SYCE3: variants seen among roughly 807,000 people sequenced by gnomAD.
SYCE3 encodes the protein synaptonemal complex central element protein 3, also known as testis highly expressed gene 2 protein.
A neutral mutation model predicts 8.1 loss-of-function variants in SYCE3; 3 were observed. The observed-to-expected ratio is 0.37, with a 90% CI of 0.17 to 0.96. The LOEUF (loss-of-function observed/expected upper bound fraction) is 0.96, where lower values mean the gene tolerates loss of function less well. Among genes scored for constraint, SYCE3 ranks in the 40% least tolerant of loss-of-function variants. The pLI is 0.41. For missense variants in SYCE3, 83 were observed against 110.0 expected, an observed-to-expected ratio of 0.75 and a Z score of 1.10; for synonymous variants, 36 against 38.7, an observed-to-expected ratio of 0.93 and a Z score of 0.26.
intron 2 of SYCE3, among the ~76,000 whole-genome samples, chr22:50,554,023 C>G (rs938743161): frequency 5.3e-5 from 8 of 151,750 alleles, no homozygotes; most frequent in African/African-American, 1.9e-4. Flanking sequence ...GAAACTCCAT[C>G]TCTACTAAAA....
chr22:50,559,770 A>C lies in SYCE3; in HGVS notation c.-1+3088T>G, dbSNP rs548126229. Among the ~76,000 whole-genome samples the C allele has an allele frequency of 1.5e-3, 233 of 152,248 alleles. 2 individuals carry two copies. The highest frequency in any genetic ancestry group is 5.4e-3 in the African/African-American group (224 of 41,542). The stretch of plus-strand genomic sequence containing the variant: ...TGGCAAAACCCCATCTCTACTAAAA[A>C]TACAAAAATTAGCTGGGCATGGTGA... On this transcript the variant is annotated intron_variant, in intron 1 of 2. Coordinates refer to ENST00000406915, the MANE Select transcript of SYCE3 (RefSeq NM_001123225.3).
chr22:50,551,494 G>T, intron 2 of SYCE3, 92 bp from the exon 3 acceptor site: 1 of 1,350,378 alleles, frequency 7.4e-7, no homozygotes, highest in Non-Finnish European at 9.9e-7. Flanking sequence ...GCTGGGCTCA[G>T]CATCTGGAGG....
At chr22:50,554,693 CAAA>C (rs35905749) in intron 2 of SYCE3, among the ~76,000 whole-genome samples, 1 of 78,516 alleles carries the variant, frequency 1.3e-5, no homozygotes, top group Non-Finnish European at 2.3e-5. Context: ...GACTCCGTCT[CAAA>C]AAAAAAAAAA....
chr22:50,554,057 T>C (rs937514328), intron 2 of SYCE3, among the ~76,000 whole-genome samples: 2 of 151,830 alleles, frequency 1.3e-5, no homozygotes, highest in Non-Finnish European at 2.9e-5. Flanking sequence ...TAGCCATGCA[T>C]GGTGGCGGGC....
intron 2 of SYCE3, 102 bp downstream of exon 2, chr22:50,556,195 C>A (rs571616142): frequency 2.6e-6 from 2 of 762,474 alleles, no homozygotes; most frequent in Middle Eastern, 6.8e-4. Context: ...GTCCTGAGGA[C>A]CTCCTGAGGC....
Position 50,551,372 on chromosome 22 carries a change from AC to A in SYCE3, c.139del (p.Val47TrpfsTer2). Reference protein sequence around the residue: ...VQATWMAYDMVVMRTNPTLAE... With the variant: ...VQATWMAYDMXVMRTNPTLAE... ...CAGCGTAGGGTTGGTGCGCATCACC[AC>A]CATGTCATAGGCCATCCAGGTCGCC... On this transcript the variant is annotated frameshift_variant, in exon 3 of 3. Coordinates refer to ENST00000406915, the MANE Select transcript of SYCE3 (RefSeq NM_001123225.3). LOFTEE classifies it high-confidence loss of function. 1 of 1,550,906 alleles carries A rather than the reference AC, an allele frequency of 6.4e-7. No individual in the cohort carries two copies. Among genetic ancestry groups the A allele is most frequent in the South Asian group, 1.2e-5 (1 of 84,064 alleles).
At chr22:50,556,177 G>C in intron 2 of SYCE3, 120 bp downstream of exon 2, 1 of 662,976 alleles carries the variant, frequency 1.5e-6, no homozygotes, top group Non-Finnish European at 2.6e-6. Flanking sequence ...TGCCAACCTT[G>C]AACATATGTC....
chr22:50,558,032 T>C (rs2069877848), intron 1 of SYCE3, among the ~76,000 whole-genome samples: 1 of 152,206 alleles, frequency 6.6e-6, no homozygotes, highest in African/African-American at 2.4e-5. Flanking sequence ...AATGAACTAT[T>C]CCTAGTGTTC....
At chr22:50,557,670 G>A (rs1399265108) in intron 1 of SYCE3, among the ~76,000 whole-genome samples, 1 of 152,082 alleles carries the variant, frequency 6.6e-6, no homozygotes, top group East Asian at 1.9e-4. Context: ...AATTCATTCT[G>A]TTAATATTTG....
intron 1 of SYCE3, 109 bp from the exon 2 acceptor site, chr22:50,556,514 A>G: frequency 1.3e-6 from 1 of 772,418 alleles, no homozygotes; most frequent in East Asian, 2.7e-5. Flanking sequence ...CCCATCTCTC[A>G]GATTCAGACA....
In SYCE3 at chr22:50,552,429, G is replaced by A. The variant is rs556183260; in HGVS notation, c.110-1027C>T. The stretch of plus-strand genomic sequence containing the variant: ...GCACTTTGGGAGGCCAAGGGGGGTA[G>A]ATCACGAGATCAAGAGATTGAGACC... On this transcript the variant is annotated intron_variant, in intron 2 of 2. Transcript: ENST00000406915. Among the ~76,000 whole-genome samples, 179 of 152,304 alleles carry A rather than the reference G, an allele frequency of 1.2e-3. 1 individual carries two copies. The highest frequency in any genetic ancestry group is 1.7e-3 in the Non-Finnish European group (117 of 68,026).
In SYCE3 at chr22:50,551,424, G is replaced by C. The variant is rs2069808314; in HGVS notation, c.110-22C>G. The C allele has an allele frequency of 3.9e-6, 6 of 1,540,928 alleles. No homozygotes were observed. In the East Asian group the frequency reaches 9.8e-5, roughly 25 times the overall value. On this transcript the variant is annotated intron_variant, in intron 2 of 2. Transcript: ENST00000406915. ...TGCACTGCAACAAGCAGACAGGACT[G>C]GTCAGGCCACAGGGAGGGGCTGCAG...
chr22:50,555,747 T>C (rs183803476), intron 2 of SYCE3, among the ~76,000 whole-genome samples: 1 of 151,194 alleles, frequency 6.6e-6, no homozygotes, highest in African/African-American at 2.4e-5. Context: ...CCTGGAATCA[T>C]CCCCCTTTGA....
rs1005250385 is a variant in SYCE3 at position 50,551,410 on chromosome 22, A to G, written c.110-8T>C. The G allele has an allele frequency of 8.4e-6, 13 of 1,547,624 alleles. No individual in the cohort carries two copies. Among genetic ancestry groups the G allele is most frequent in the Non-Finnish European group, 1.1e-5 (13 of 1,146,172 alleles). On this transcript the variant is annotated splice_region_variant and splice_polypyrimidine_tract_variant and intron_variant, in intron 2 of 2. Transcript: ENST00000406915. ...CCATCCAGGTCGCCTGCACTGCAACAAGCAGACAGGACTGGTCAGGCCACA... is the reference window on the plus strand; with the variant it reads ...CCATCCAGGTCGCCTGCACTGCAACGAGCAGACAGGACTGGTCAGGCCACA...
chr22:50,555,015 G>C (rs957753066), intron 2 of SYCE3, among the ~76,000 whole-genome samples: 4 of 151,180 alleles, frequency 2.6e-5, no homozygotes, highest in South Asian at 2.1e-4. Flanking sequence ...CCAGCTACTC[G>C]GGAGGCTGAG....
chr22:50,554,813 T>A (rs989633252), intron 2 of SYCE3, among the ~76,000 whole-genome samples: 7 of 150,720 alleles, frequency 4.6e-5, no homozygotes, highest in Non-Finnish European at 7.4e-5. Flanking sequence ...GCCAACATGG[T>A]GAAACCCTGT....
intron 1 of SYCE3, among the ~76,000 whole-genome samples, chr22:50,561,450 G>A (rs1439538989): frequency 2.0e-5 from 3 of 149,626 alleles, no homozygotes; most frequent in Non-Finnish European, 4.4e-5. Flanking sequence ...AACGGGTGGA[G>A]AAAGAGGCCT....
chr22:50,560,279 G>A lies in SYCE3; in HGVS notation c.-1+2579C>T, dbSNP rs546388763. ...TTTGGGAGGCTAAAGCAGGAGAAATGCTTGAAGCCAGGAGTTTCAGACCAG... is the reference window on the plus strand; with the variant it reads ...TTTGGGAGGCTAAAGCAGGAGAAATACTTGAAGCCAGGAGTTTCAGACCAG... On this transcript the variant is annotated intron_variant, in intron 1 of 2. Coordinates refer to ENST00000406915, the MANE Select transcript of SYCE3 (RefSeq NM_001123225.3). Among the ~76,000 whole-genome samples, 294 of 152,250 alleles carry A rather than the reference G, an allele frequency of 1.9e-3. 3 individuals carry two copies. Among genetic ancestry groups the A allele is most frequent in the African/African-American group, 6.7e-3 (279 of 41,558 alleles).
At chr22:50,555,127 A>AAATAAATAAATAAAAATTTAAG (rs2069847437) in intron 2 of SYCE3, among the ~76,000 whole-genome samples, 1 of 16,818 alleles carries the variant, frequency 5.9e-5, no homozygotes, top group Non-Finnish European at 1.0e-4. Context: ...GTCTTAAAAT[A>AAATAAATAAATAAAAATTTAAG]AATAAATAAA....
Sources: gnomAD v4.1 joint callset for allele counts (sites outside exome capture counted in the v4.1 genomes callset) on GRCh38, gnomAD v4.1.1 for gene constraint, MANE v1.5 for transcripts, NCBI Gene and HGNC (gene_info 2026-07-23, HGNC 2026-07-21) for gene names.